Variants in HRH1 observed in about 807,000 individuals in gnomAD.
HRH1 encodes the protein histamine receptor H1.
HRH1 carries 6 observed loss-of-function variants against 10.3 expected under a neutral mutation model. That is an observed-to-expected ratio of 0.58 (90% confidence interval 0.32 to 1.15). The LOEUF (loss-of-function observed/expected upper bound fraction) is 1.15. HRH1 is among the 50% of genes most tolerant of loss of function. The pLI is 0.05. For synonymous variants in HRH1, 242 were observed against 236.7 expected (o/e 1.02, Z -0.21); for missense variants, 514 against 615.3 (o/e 0.84, Z 1.74).
chr3:11,256,842 T>C (rs182349393), intron 1 of HRH1, among the ~76,000 whole-genome samples: 24 of 152,166 alleles, frequency 1.6e-4, no homozygotes, highest in Non-Finnish European at 2.2e-4. Context: ...CAAGAACTTA[T>C]CTGGCTTTGT....
rs1242142718 is a variant in HRH1 at position 11,154,567 on chromosome 3, G to A, written c.-36+13G>A. On this transcript the variant is annotated intron_variant, in intron 1 of 1. Coordinates refer to ENST00000431010, the MANE Select transcript of HRH1 (RefSeq NM_001098212.2). The surrounding 1 kb of genome is among the most constrained non-coding windows in gnomAD (Gnocchi z 4.4). ...GGAGCCGGCGCCGGTGAGTCGCAGCGGGGCGCGGGCTTGGGCGGGAGCGGG... is the reference window on the plus strand; with the variant it reads ...GGAGCCGGCGCCGGTGAGTCGCAGCAGGGCGCGGGCTTGGGCGGGAGCGGG... The A allele has an allele frequency of 2.0e-5, 3 of 151,168 alleles. No homozygotes were observed. The highest frequency in any genetic ancestry group is 1.3e-4 in the Admixed American group (2 of 15,164). The allele number at this position is 151,168 out of a possible 1,614,324, so 9.4% of individuals were successfully genotyped here. A position where few individuals can be genotyped will look rare whatever the true frequency, so the allele number is the denominator to read the frequency against.
chr3:11,149,305 C>T (rs1936545667), intron 1 of HRH1, among the ~76,000 whole-genome samples: 1 of 152,218 alleles, frequency 6.6e-6, no homozygotes, highest in Non-Finnish European at 1.5e-5. Context: ...TCTGCATAAA[C>T]ATATATACAT....
At chr3:11,248,606 A>T (rs1939551731) in intron 1 of HRH1, among the ~76,000 whole-genome samples, 1 of 152,222 alleles carries the variant, frequency 6.6e-6, no homozygotes, top group Non-Finnish European at 1.5e-5. Flanking sequence ...CTCCGGAATG[A>T]ACAAGGGCAT....
In HRH1 at chr3:11,183,092, T is replaced by C. The variant is rs918550781; in HGVS notation, c.-36+28538T>C. Among the ~76,000 whole-genome samples the C allele has an allele frequency of 4.6e-5, 7 of 152,368 alleles. 1 individual carries two copies. The highest frequency in any genetic ancestry group is 1.7e-4 in the African/African-American group (7 of 41,576). ...CATCTCTGATGCTTTCATCATCTCT[T>C]AGACCCACTGGAGCTGAAACTTTCT... On this transcript the variant is annotated intron_variant, in intron 1 of 1. Transcript: ENST00000431010.
rs1936748461 is a variant in HRH1 at position 11,154,875 on chromosome 3, G to T, written c.-36+321G>T. ...GTCTTTGAGCTCGGGCGAGCAGAGG[G>T]GGAGCCTCGTTTTCTTTGAGCCTCC... On this transcript the variant is annotated intron_variant, in intron 1 of 1. Coordinates refer to ENST00000431010, the MANE Select transcript of HRH1 (RefSeq NM_001098212.2). The surrounding 1 kb of genome is among the most constrained non-coding windows in gnomAD (Gnocchi z 4.4). Among the ~76,000 whole-genome samples, 1 of 152,218 alleles carries T rather than the reference G, an allele frequency of 6.6e-6. No individual in the cohort carries two copies. The highest frequency in any genetic ancestry group is 6.5e-5 in the Admixed American group (1 of 15,284).
chr3:11,215,248 G>A (rs1324346832), intron 1 of HRH1, among the ~76,000 whole-genome samples: 1 of 152,092 alleles, frequency 6.6e-6, no homozygotes. Context: ...GAGACTTTTT[G>A]CACTCATATT....
At chr3:11,152,420 C>G (rs1441349229), upstream of HRH1, among the ~76,000 whole-genome samples, 4 of 152,164 alleles carry the variant, frequency 2.6e-5, no homozygotes, top group Non-Finnish European at 2.9e-5. Context: ...GAAATCATGT[C>G]TAACATGTTG....
chr3:11,258,198 T>A (rs1221734736), intron 1 of HRH1, among the ~76,000 whole-genome samples: 1 of 132,490 alleles, frequency 7.5e-6, no homozygotes, highest in Non-Finnish European at 1.5e-5. Context: ...CATTTAGGGA[T>A]GGTCTCAGCT....
In HRH1 at chr3:11,220,194, A is replaced by C. The variant is rs1453348669; in HGVS notation, c.-35-38809A>C. 3.3e-5 allele frequency among the ~76,000 whole-genome samples: 5 copies of C among 152,010 alleles called. 1 individual carries two copies. The highest frequency in any genetic ancestry group is 3.3e-4 in the Admixed American group (5 of 15,252). On this transcript the variant is annotated intron_variant, in intron 1 of 1. Transcript: ENST00000431010. ...ATAAAACAATACCTATCAATCCCCTAACACCACGCCTGGCCTGGGGTAACT... is the reference window on the plus strand; with the variant it reads ...ATAAAACAATACCTATCAATCCCCTCACACCACGCCTGGCCTGGGGTAACT...
chr3:11,183,971 G>T (rs1347349792), intron 1 of HRH1, among the ~76,000 whole-genome samples: 1 of 151,448 alleles, frequency 6.6e-6, no homozygotes, highest in African/African-American at 2.4e-5. Flanking sequence ...GAGGCAGGCG[G>T]TGTGATGGTT....
At chr3:11,148,655 T>C (rs1412640819) in intron 1 of HRH1, among the ~76,000 whole-genome samples, 3 of 152,102 alleles carry the variant, frequency 2.0e-5, no homozygotes, top group Non-Finnish European at 4.4e-5. Context: ...CTTGTTCCGT[T>C]TACAGAGATT....
At chr3:11,250,455 G>A (rs1159977172) in intron 1 of HRH1, among the ~76,000 whole-genome samples, 1 of 152,038 alleles carries the variant, frequency 6.6e-6, no homozygotes, top group African/African-American at 2.4e-5. Context: ...CCGGACTGCT[G>A]TCTCAGTTGT....
intron 1 of HRH1, among the ~76,000 whole-genome samples, chr3:11,236,806 C>T (rs150848407): frequency 6.6e-6 from 1 of 152,198 alleles, no homozygotes; most frequent in Non-Finnish European, 1.5e-5. Context: ...TGCTAAAGAG[C>T]CCCAGGTGTG....
At chr3:11,257,412 T>A (rs995562617) in intron 1 of HRH1, among the ~76,000 whole-genome samples, 4 of 151,192 alleles carry the variant, frequency 2.6e-5, no homozygotes, top group African/African-American at 9.7e-5. Flanking sequence ...ACAAAAAAAA[T>A]AGCCGGGTGT....
At chr3:11,182,164 G>A (rs1937370198) in intron 1 of HRH1, among the ~76,000 whole-genome samples, 1 of 151,498 alleles carries the variant, frequency 6.6e-6, no homozygotes, top group Non-Finnish European at 1.5e-5. Context: ...TGTATTTTTA[G>A]TAGAGACAGG....
chr3:11,262,557 T>C lies in HRH1; in HGVS notation c.*2056T>C, dbSNP rs996731784. On this transcript the variant is annotated 3_prime_UTR_variant, in exon 2 of 2. Coordinates refer to ENST00000431010, the MANE Select transcript of HRH1 (RefSeq NM_001098212.2). ...GTTTCAGAAGCTGCAGCTGGTCTGT[T>C]TCCAGGTCAGAAACCATTGTTCAGA... 4.8e-5 allele frequency: 8 copies of C among 167,108 alleles called. No homozygotes were observed. The highest frequency in any genetic ancestry group is 1.2e-4 in the Non-Finnish European group (8 of 68,130). The allele number at this position is 167,108 out of a possible 1,614,324, so 10.4% of individuals were successfully genotyped here.
chr3:11,148,810 C>CTTTTT (rs755029776), intron 1 of HRH1, among the ~76,000 whole-genome samples: 18 of 84,420 alleles, frequency 2.1e-4, no homozygotes, highest in Non-Finnish European at 3.4e-4. Context: ...AAACCACAGT[C>CTTTTT]TTTTTTTTTT....
At chr3:11,202,509 T>C (rs1391801114) in intron 1 of HRH1, among the ~76,000 whole-genome samples, 1 of 152,178 alleles carries the variant, frequency 6.6e-6, no homozygotes, top group Non-Finnish European at 1.5e-5. Context: ...TTCTTCCAGC[T>C]TTTAGCATCC....
upstream of HRH1, among the ~76,000 whole-genome samples, chr3:11,152,610 C>G (rs1305296646): frequency 3.5e-5 from 5 of 140,962 alleles, no homozygotes; most frequent in African/African-American, 1.1e-4. Flanking sequence ...TTCCCCCACC[C>G]GCCCTGCCCC....
Sources: allele counts gnomAD v4.1 joint callset (sites outside exome capture counted in the v4.1 genomes callset), GRCh38; gene constraint gnomAD v4.1.1; non-coding constraint Gnocchi (gnomAD v3.1); transcripts MANE v1.5; gene names NCBI Gene and HGNC (gene_info 2026-07-23, HGNC 2026-07-21).